NRG2: variants seen among roughly 807,000 people sequenced by gnomAD.
The protein encoded by NRG2 is pro-neuregulin-2, membrane-bound isoform.
In NRG2, 27 loss-of-function variants were observed where a neutral mutation model predicts 73.9. The observed-to-expected ratio is 0.37, with a 90% CI of 0.27 to 0.50. NRG2 has a LOEUF of 0.50. NRG2 is among the 20% of genes least tolerant of loss of function. NRG2 has a pLI of 0.96. For missense variants in NRG2, 1,126 were observed against 1,210.1 expected, an observed-to-expected ratio of 0.93 and a Z score of 1.03; for synonymous variants, 532 against 541.0, an observed-to-expected ratio of 0.98 and a Z score of 0.23.
intron 1 of NRG2, among the ~76,000 whole-genome samples, chr5:139,911,873 CTAATT>C (rs1750851887): frequency 1.3e-5 from 2 of 152,270 alleles, no homozygotes; most frequent in African/African-American, 4.8e-5. Flanking sequence ...ATGTAAGTAC[CTAATT>C]TATTTATATA....
chr5:139,953,634 T>A (rs1754398275), intron 1 of NRG2, among the ~76,000 whole-genome samples: 1 of 152,120 alleles, frequency 6.6e-6, no homozygotes, highest in Non-Finnish European at 1.5e-5. Flanking sequence ...GGTACAGTGG[T>A]CACAACAGGC....
intron 1 of NRG2, among the ~76,000 whole-genome samples, chr5:139,910,583 C>G (rs1303143405): frequency 1.3e-5 from 2 of 152,236 alleles, no homozygotes; most frequent in Admixed American, 1.3e-4. Flanking sequence ...TCTCTCATCT[C>G]CCTGAAATGA....
At chr5:139,969,031 A>G (rs956643292) in intron 1 of NRG2, among the ~76,000 whole-genome samples, 2 of 152,200 alleles carry the variant, frequency 1.3e-5, no homozygotes, top group African/African-American at 4.8e-5. Flanking sequence ...GGCGCTTGCA[A>G]TCAGCCCAGC....
intron 1 of NRG2, among the ~76,000 whole-genome samples, chr5:139,893,441 G>A (rs1340446421): frequency 6.6e-6 from 1 of 152,188 alleles, no homozygotes; most frequent in East Asian, 1.9e-4. Context: ...GAGGCATCTA[G>A]CAAAAGCAAG....
intron 1 of NRG2, among the ~76,000 whole-genome samples, chr5:139,967,382 C>T (rs1337721989): frequency 2.0e-5 from 3 of 152,182 alleles, no homozygotes; most frequent in East Asian, 3.9e-4. Flanking sequence ...ACAGAGTCTC[C>T]GTACTGAAGG....
intron 5 of NRG2, among the ~76,000 whole-genome samples, chr5:139,863,519 A>G (rs1359500900): frequency 6.6e-6 from 1 of 152,222 alleles, no homozygotes; most frequent in Admixed American, 6.5e-5. Flanking sequence ...GAGGCCTTGG[A>G]TAGCGGCCCG....
At chr5:139,948,513 G>A (rs1753965088) in intron 1 of NRG2, among the ~76,000 whole-genome samples, 2 of 152,132 alleles carry the variant, frequency 1.3e-5, no homozygotes, top group South Asian at 4.1e-4. Context: ...CATCCTAGCT[G>A]CATCTCAACT....
chr5:139,963,699 G>A (rs560392523), intron 1 of NRG2, among the ~76,000 whole-genome samples: 14 of 152,314 alleles, frequency 9.2e-5, no homozygotes, highest in African/African-American at 3.4e-4. Context: ...TAAAGAAAGA[G>A]GCAGGCTTAG....
At chr5:139,952,459 AC>A (rs1185554436) in intron 1 of NRG2, among the ~76,000 whole-genome samples, 1 of 152,104 alleles carries the variant, frequency 6.6e-6, no homozygotes, top group East Asian at 1.9e-4. Context: ...CGTGGCTTAG[AC>A]CCCCAGAGCA....
At chr5:139,916,502 A>G (rs1324856534) in intron 1 of NRG2, among the ~76,000 whole-genome samples, 1 of 152,074 alleles carries the variant, frequency 6.6e-6, no homozygotes, top group Non-Finnish European at 1.5e-5. Flanking sequence ...GTTTTGGAAC[A>G]TTTTCATCAT....
In NRG2 at chr5:139,865,085, G is replaced by T. The variant is rs1236111791; in HGVS notation, c.1189+464C>A. ...CAGGGGGAGACTGTCAGTCACCAGGGAAGAGAAGAAATAGAAGAAAGAGAC... is the reference window on the plus strand; with the variant it reads ...CAGGGGGAGACTGTCAGTCACCAGGTAAGAGAAGAAATAGAAGAAAGAGAC... On this transcript the variant is annotated intron_variant, in intron 5 of 9. Coordinates refer to ENST00000361474, the MANE Select transcript of NRG2 (RefSeq NM_004883.3). The surrounding 1 kb of genome is among the most constrained non-coding windows in gnomAD (Gnocchi z 5.2). 1.3e-6 allele frequency: 2 copies of T among 1,592,700 alleles called. No individual in the cohort carries two copies. Among genetic ancestry groups the T allele is most frequent in the African/African-American group, 2.7e-5 (2 of 74,488 alleles).
chr5:139,918,640 A>C (rs754294805), intron 1 of NRG2, among the ~76,000 whole-genome samples: 1 of 152,188 alleles, frequency 6.6e-6, no homozygotes, highest in Non-Finnish European at 1.5e-5. Context: ...AGTTGGGAAA[A>C]CAGGGGGAAA....
chr5:140,010,893 ATTCTTTGAATCTGGCCCCCC>A (rs781407440), intron 1 of NRG2, among the ~76,000 whole-genome samples: 2 of 152,252 alleles, frequency 1.3e-5, no homozygotes, highest in Non-Finnish European at 2.9e-5. Context: ...TTGTTTAAAC[ATTCTTTGAATCTGGCCCCCC>A]TTCATAAGGC....
chr5:140,037,813 C>G (rs1761618040), intron 1 of NRG2, among the ~76,000 whole-genome samples: 1 of 145,864 alleles, frequency 6.9e-6, no homozygotes, highest in African/African-American at 2.5e-5. Context: ...GAGGCTGAGG[C>G]AGGAGAATTG....
intron 1 of NRG2, among the ~76,000 whole-genome samples, chr5:139,913,360 A>G (rs1750996492): frequency 6.6e-6 from 1 of 152,180 alleles, no homozygotes; most frequent in Admixed American, 6.5e-5. Flanking sequence ...CCTGAAACTT[A>G]TGGTCACTGA....
chr5:139,963,659 CTG>C (rs1755251438), intron 1 of NRG2, among the ~76,000 whole-genome samples: 2 of 152,328 alleles, frequency 1.3e-5, no homozygotes, highest in Admixed American at 1.3e-4. Context: ...GAAGAGGAAA[CTG>C]AGACTTGGAG....
At chr5:139,959,909 C>T (rs1371941093) in intron 1 of NRG2, among the ~76,000 whole-genome samples, 1 of 152,212 alleles carries the variant, frequency 6.6e-6, no homozygotes, top group African/African-American at 2.4e-5. Flanking sequence ...ACCCTTCTCT[C>T]CCCAGTTCTT....
intron 1 of NRG2, among the ~76,000 whole-genome samples, chr5:139,975,122 C>T (rs1455996735): frequency 6.6e-6 from 1 of 152,206 alleles, no homozygotes; most frequent in Non-Finnish European, 1.5e-5. Context: ...CCAATAATAT[C>T]GCGATGTCCC....
At position 139,853,151 on chromosome 5, in the gene NRG2, C is replaced by G; in HGVS notation, c.1293-124G>C. 7.5e-7 allele frequency: 1 copy of G among 1,327,970 alleles called. No homozygotes were observed. Among genetic ancestry groups the G allele is most frequent in the Non-Finnish European group, 1.0e-6 (1 of 959,836 alleles). 82.3% of individuals were successfully genotyped at this position (1,327,970 alleles called of 1,614,324 possible). A position where few individuals can be genotyped will look rare whatever the true frequency, so the allele number is the denominator to read the frequency against. ...CAGGGTGGCCATGGCTACTGCTCGT[C>G]CCTGTACTCAAGCTGCCCTACAGCA... On this transcript the variant is annotated intron_variant, in intron 6 of 9. Transcript: ENST00000361474. The surrounding 1 kb of genome is among the most constrained non-coding windows in gnomAD (Gnocchi z 4.1).
Sources: gnomAD v4.1 joint callset for allele counts (sites outside exome capture counted in the v4.1 genomes callset) on GRCh38, gnomAD v4.1.1 for gene constraint, Gnocchi (gnomAD v3.1) non-coding constraint, MANE v1.5 for transcripts, NCBI Gene and HGNC (gene_info 2026-07-23, HGNC 2026-07-21) for gene names.